Variants in MBTD1 observed in about 807,000 individuals in gnomAD.
MBTD1 encodes mbt domain containing 1.
MBTD1 carries 24 observed loss-of-function variants against 87.8 expected under a neutral mutation model. That is an observed-to-expected ratio of 0.27 (90% CI 0.20 to 0.38). The LOEUF (loss-of-function observed/expected upper bound fraction) is 0.38. Among genes scored for constraint, MBTD1 ranks in the 10% least tolerant of loss-of-function variants. The pLI is 1.00. For missense variants in MBTD1, 436 were observed against 760.2 expected (o/e 0.57, Z 5.02); for synonymous variants, 237 against 248.6 (o/e 0.95, Z 0.44).
rs757280808 is a variant in MBTD1 at position 51,202,914 on chromosome 17, G to A, written c.850C>T (p.Pro284Ser). ...TCTACTCTCATGCAAGGTTTGAAAG[G>A]ATACTGCATACTCTCTGAAACCTTA... ...SQKVSESMQY[P>S]FKPCMRVEVV... Residue 284 changes from proline to serine, a missense_variant, in exon 10 of 17, where the codon CCT becomes TCT. This residue lies in a region of MBTD1 where 268 missense variants were observed against 401.8 expected (regional missense o/e 0.67). Coordinates refer to ENST00000586178, the MANE Select transcript of MBTD1 (RefSeq NM_017643.3). The A allele has an allele frequency of 2.5e-6, 4 of 1,613,056 alleles. No homozygotes were observed. The East Asian group carries it at 6.7e-5, about 27-fold the overall frequency.
chr17:51,202,971 T>C, intron 9 of MBTD1, 36 bp from the exon 10 acceptor site: 1 of 1,524,374 alleles, frequency 6.6e-7, no homozygotes, highest in Non-Finnish European at 9.1e-7. Context: ...TCGAAATTCA[T>C]GACAAAGGTC....
At chr17:51,220,300 ATATAAG>A in intron 4 of MBTD1, 24 bp downstream of exon 4, 2 of 1,531,988 alleles carry the variant, frequency 1.3e-6, no homozygotes, top group Non-Finnish European at 1.8e-6. Context: ...GAAATAATGG[ATATAAG>A]TAAGAAAGTT....
rs544449453 is a variant in MBTD1 at position 51,246,931 on chromosome 17, C to A, written c.-49+12212G>T. On this transcript the variant is annotated intron_variant, in intron 2 of 16. Transcript: ENST00000586178. ...CTGGGATTACAGGTGTGAGTCACTG[C>A]ACCTGGCCATTTGTTTTCTTTTCTA... is the stretch of plus-strand genomic sequence containing the variant. Among the ~76,000 whole-genome samples, 13 of 152,228 alleles carry A rather than the reference C, an allele frequency of 8.5e-5. 1 individual carries two copies. The South Asian group carries it at 2.7e-3, about 32-fold the overall frequency.
intron 10 of MBTD1, 88 bp from the exon 11 acceptor site, chr17:51,202,165 T>C (rs907510799): frequency 2.4e-5 from 18 of 761,348 alleles, no homozygotes; most frequent in Non-Finnish European, 3.7e-5. Flanking sequence ...TCACAAAGTA[T>C]GTCATACTAT....
In MBTD1 at chr17:51,259,161, C is replaced by A; in HGVS notation, c.-67G>T. 1 of 827,904 alleles carries A rather than the reference C, an allele frequency of 1.2e-6. No homozygotes were observed. The highest frequency in any genetic ancestry group is 1.6e-6 in the Non-Finnish European group (1 of 618,440). 51.3% of individuals were successfully genotyped at this position (827,904 alleles called of 1,614,324 possible). ...TACCTACCACTTGTCAGAGAGGCTG[C>A]AGAGGGGACGGCTGCTTTGGATGAC... On this transcript the variant is annotated 5_prime_UTR_variant, in exon 2 of 17. Coordinates refer to ENST00000586178, the MANE Select transcript of MBTD1 (RefSeq NM_017643.3).
At chr17:51,220,717 A>G (rs889061864) in intron 3 of MBTD1, among the ~76,000 whole-genome samples, 3 of 152,218 alleles carry the variant, frequency 2.0e-5, no homozygotes, top group Non-Finnish European at 4.4e-5. Flanking sequence ...ACAAAGGGTC[A>G]ACAGAAACAG....
At position 51,200,721 on chromosome 17, in the gene MBTD1, G is replaced by A. The variant is rs188780364; in HGVS notation, c.1224+871C>T. Among the ~76,000 whole-genome samples the A allele has an allele frequency of 1.2e-4, 18 of 151,556 alleles. 2 individuals are homozygous for A. Among genetic ancestry groups the A allele is most frequent in the African/African-American group, 4.1e-4 (17 of 41,294 alleles). On this transcript the variant is annotated intron_variant, in intron 12 of 16. Transcript: ENST00000586178. The stretch of plus-strand genomic sequence containing the variant: ...TCTACAAAATATACAAAAATTAGCC[G>A]GGCGTGGTGGCATGCACCTGTAATC...
rs1216139425 is a variant in MBTD1 at position 51,179,506 on chromosome 17, A to ATTTATATATATATT, written c.*1069_*1070insAATATATATATAAA. 1.7e-4 allele frequency: 14 copies of ATTTATATATATATT among 82,334 alleles called. No individual in the cohort carries two copies. Among genetic ancestry groups the ATTTATATATATATT allele is most frequent in the Non-Finnish European group, 2.3e-4 (9 of 39,382 alleles). The allele number at this position is 82,334 out of a possible 1,614,324, so 5.1% of individuals were successfully genotyped here. A position where few individuals can be genotyped will look rare whatever the true frequency, so the allele number is the denominator to read the frequency against. On this transcript the variant is annotated 3_prime_UTR_variant, in exon 17 of 17. Transcript: ENST00000586178. ...ATTTTATATATATATATATATATAT[A>ATTTATATATATATT]TATATATATATATATATATATATAT...
intron 2 of MBTD1, among the ~76,000 whole-genome samples, chr17:51,237,857 C>A (rs1420052633): frequency 6.6e-6 from 1 of 152,168 alleles, no homozygotes; most frequent in Non-Finnish European, 1.5e-5. Context: ...GTCATCATAG[C>A]CCCAAACTGG....
intron 5 of MBTD1, 86 bp downstream of exon 5, chr17:51,218,844 A>G: frequency 1.2e-6 from 1 of 815,568 alleles, no homozygotes; most frequent in Non-Finnish European, 2.0e-6. Context: ...AGCTAGTTAA[A>G]CAGAATTCAA....
At chr17:51,231,541 T>G (rs1442991304) in intron 2 of MBTD1, among the ~76,000 whole-genome samples, 1 of 152,212 alleles carries the variant, frequency 6.6e-6, no homozygotes, top group Non-Finnish European at 1.5e-5. Context: ...TTATAGTGAT[T>G]AAAGAGGAAT....
At chr17:51,182,608 T>C (rs1249266249) in intron 16 of MBTD1, among the ~76,000 whole-genome samples, 1 of 152,168 alleles carries the variant, frequency 6.6e-6, no homozygotes. Flanking sequence ...CTGAGATCTC[T>C]GTCCACCACA....
rs2050211823 is a variant in MBTD1 at position 51,179,494 on chromosome 17, A to ATATATATATTTATATT, written c.*1081_*1082insAATATAAATATATATA. The ATATATATATTTATATT allele has an allele frequency of 2.4e-5, 1 of 41,462 alleles. No homozygotes were observed. The highest frequency in any genetic ancestry group is 7.8e-4 in the South Asian group (1 of 1,288). The allele number at this position is 41,462 out of a possible 1,614,324, so 2.6% of individuals were successfully genotyped here. Reference sequence around the variant, plus strand: ...CAATTAAAGACAATTTTATATATATATATATATATATATATATATATATAT... The same window carrying ATATATATATTTATATT: ...CAATTAAAGACAATTTTATATATATATATATATATTTATATTTATATATATATATATATATATATAT... On this transcript the variant is annotated 3_prime_UTR_variant, in exon 17 of 17. Transcript: ENST00000586178.
chr17:51,200,832 C>G (rs1568167188), intron 12 of MBTD1, among the ~76,000 whole-genome samples: 1 of 150,654 alleles, frequency 6.6e-6, no homozygotes, highest in Non-Finnish European at 1.5e-5. Context: ...CCACTGCACT[C>G]CAGCCTGGAT....
intron 2 of MBTD1, among the ~76,000 whole-genome samples, chr17:51,233,453 C>T (rs1482000983): frequency 6.6e-6 from 1 of 151,858 alleles, no homozygotes; most frequent in African/African-American, 2.4e-5. Context: ...ACAAGATAGA[C>T]CTTGGAATTT....
At chr17:51,260,100 T>C (rs986930380), upstream of MBTD1, 13 of 377,622 alleles carry the variant, frequency 3.4e-5, no homozygotes, top group Non-Finnish European at 5.6e-5. Flanking sequence ...GCGCCCCGAT[T>C]GGCCCACTTC....
At chr17:51,250,591 A>G (rs1280231697) in intron 2 of MBTD1, 3 of 152,192 alleles carry the variant, frequency 2.0e-5, no homozygotes, top group African/African-American at 7.2e-5. Context: ...GAAATCTGAC[A>G]CTGGTCTAAT....
chr17:51,186,758 A>G (rs1568145418), intron 16 of MBTD1, among the ~76,000 whole-genome samples: 1 of 151,892 alleles, frequency 6.6e-6, no homozygotes, highest in African/African-American at 2.4e-5. Context: ...TGGGCGACAA[A>G]GCAAGACTCT....
At chr17:51,250,098 TCTCA>T (rs1020953036) in intron 2 of MBTD1, 3 of 148,136 alleles carry the variant, frequency 2.0e-5, no homozygotes, top group African/African-American at 7.6e-5. Flanking sequence ...AGAGACTGGG[TCTCA>T]CTATGTTGCC....
Sources: gnomAD v4.1 joint callset for allele counts (sites outside exome capture counted in the v4.1 genomes callset) on GRCh38, gnomAD v4.1.1 for gene constraint, gnomAD v4.1.1 regional missense constraint, MANE v1.5 for transcripts, NCBI Gene and HGNC (gene_info 2026-07-23, HGNC 2026-07-21) for gene names.